ASS1: variants seen among roughly 807,000 people sequenced by gnomAD.
ASS1 encodes argininosuccinate synthase.
ASS1 carries 58 observed loss-of-function variants against 60.5 expected under a neutral mutation model. The ratio of observed to expected loss-of-function variants is 0.96; its 90% CI spans 0.78 to 1.19. The LOEUF is 1.19. Among genes scored for constraint, ASS1 ranks in the 50% most tolerant of loss-of-function variants. ASS1 has a pLI of 0.00. For synonymous variants in ASS1, 200 were observed against 206.9 expected, an observed-to-expected ratio of 0.97 and a Z score of 0.29; for missense variants, 454 against 547.3, an observed-to-expected ratio of 0.83 and a Z score of 1.70.
At chr9:130,482,231 T>C (rs1846189240) in intron 11 of ASS1, among the ~76,000 whole-genome samples, 1 of 151,780 alleles carries the variant, frequency 6.6e-6, no homozygotes. Flanking sequence ...CAGGAACTGG[T>C]ACACTGGAAG....
chr9:130,493,589 G>T lies in ASS1; in HGVS notation c.971-1278G>T, dbSNP rs116704346. On this transcript the variant is annotated intron_variant, in intron 12 of 14. Transcript: ENST00000352480. ...AGGACCTCTGCAGGTGCCCCCAGGGGCCTGGGCCTCCCACAATAGCCGCAG... is the reference window on the plus strand; with the variant it reads ...AGGACCTCTGCAGGTGCCCCCAGGGTCCTGGGCCTCCCACAATAGCCGCAG... 4.2e-3 allele frequency among the ~76,000 whole-genome samples: 633 copies of T among 152,264 alleles called. 6 individuals carry two copies. Among genetic ancestry groups the T allele is most frequent in the African/African-American group, 0.014 (595 of 41,564 alleles).
intron 5 of ASS1, among the ~76,000 whole-genome samples, chr9:130,465,056 A>ATATATATATATTTTTTTTTTTTTT (rs1479147331): frequency 3.3e-5 from 4 of 120,146 alleles, no homozygotes; most frequent in African/African-American, 1.4e-4. Flanking sequence ...ATATATATAT[A>ATATATATATATTTTTTTTTTTTTT]TTTTTTTTTT....
intron 8 of ASS1, among the ~76,000 whole-genome samples, chr9:130,472,164 T>C (rs1845881661): frequency 6.6e-6 from 1 of 152,030 alleles, no homozygotes; most frequent in Admixed American, 6.5e-5. Context: ...CCTGAGGGAA[T>C]GTGTCTTAGT....
rs776132145 is a variant in ASS1 at position 130,454,444 on chromosome 9, T to G, written c.174+71T>G. ...TGTGGAGGGCAGTGGTGGATGCTCC[T>G]GCCCCAGGGATCCCATCCCTTCCAG... On this transcript the variant is annotated intron_variant, in intron 3 of 14. Transcript: ENST00000352480. 3.5e-4 allele frequency: 521 copies of G among 1,469,366 alleles called. 1 individual carries two copies. The highest frequency in any genetic ancestry group is 4.7e-4 in the Non-Finnish European group (500 of 1,062,236). 91.0% of individuals were successfully genotyped at this position (1,469,366 alleles called of 1,614,324 possible).
At chr9:130,447,769 C>G (rs148197656) in intron 1 of ASS1, among the ~76,000 whole-genome samples, 6 of 152,196 alleles carry the variant, frequency 3.9e-5, no homozygotes, top group African/African-American at 1.4e-4. Context: ...GGGTCAGAAC[C>G]CAGAGGGCTG....
At chr9:130,451,504 A>G (rs1845324896) in intron 1 of ASS1, 1 of 317,266 alleles carries the variant, frequency 3.2e-6, no homozygotes, top group Non-Finnish European at 6.2e-6. Flanking sequence ...TGGAGACACG[A>G]TGTCTAAAAT....
intron 6 of ASS1, among the ~76,000 whole-genome samples, chr9:130,468,853 C>T (rs1299990713): frequency 6.6e-6 from 1 of 152,188 alleles, no homozygotes; most frequent in Non-Finnish European, 1.5e-5. Context: ...GATGGTCTCA[C>T]GTTGTCTACA....
intron 14 of ASS1, among the ~76,000 whole-genome samples, chr9:130,499,903 A>C (rs1355320292): frequency 6.6e-6 from 1 of 152,194 alleles, no homozygotes; most frequent in Non-Finnish European, 1.5e-5. Flanking sequence ...AAACAAGGAA[A>C]TAGCATAGAG....
chr9:130,458,372 T>G, intron 3 of ASS1, 29 bp from the exon 4 acceptor site: 1 of 1,611,948 alleles, frequency 6.2e-7, no homozygotes, highest in African/African-American at 1.3e-5. Context: ...CCTTGCCTAC[T>G]TCTTCCTTCT....
At chr9:130,464,994 TA>T (rs1845692612) in intron 5 of ASS1, among the ~76,000 whole-genome samples, 1 of 147,906 alleles carries the variant, frequency 6.8e-6, no homozygotes, top group Non-Finnish European at 1.5e-5. Context: ...AATATATAAA[TA>T]TTTTTATATA....
chr9:130,480,238 C>T (rs1405924722), intron 10 of ASS1, 147 bp from the exon 11 acceptor site: 9 of 876,016 alleles, frequency 1.0e-5, no homozygotes, highest in Admixed American at 6.0e-5. Flanking sequence ...CTAGGTGACC[C>T]GGCTCAGATG....
intron 13 of ASS1, among the ~76,000 whole-genome samples, chr9:130,496,073 T>C (rs1166643921): frequency 1.3e-5 from 2 of 152,062 alleles, no homozygotes; most frequent in Non-Finnish European, 2.9e-5. Context: ...ATTTTGATGT[T>C]CTCTGAAGCG....
In ASS1 at chr9:130,494,166, G is replaced by A. The variant is rs977239870; in HGVS notation, c.971-701G>A. Among the ~76,000 whole-genome samples, 1 of 152,212 alleles carries A rather than the reference G, an allele frequency of 6.6e-6. No individual in the cohort carries two copies. Among genetic ancestry groups the A allele is most frequent in the African/African-American group, 2.4e-5 (1 of 41,444 alleles). ...GCCCAGATCAAAGCCTGAGCGCAGTGCTGCTTATCTATGCAGAAATATTCT... is the reference window on the plus strand; with the variant it reads ...GCCCAGATCAAAGCCTGAGCGCAGTACTGCTTATCTATGCAGAAATATTCT... On this transcript the variant is annotated intron_variant, in intron 12 of 14. Coordinates refer to ENST00000352480, the MANE Select transcript of ASS1 (RefSeq NM_054012.4). The surrounding 1 kb of genome is among the most constrained non-coding windows in gnomAD (Gnocchi z 4.3).
At chr9:130,496,836 G>T (rs1846615603) in intron 13 of ASS1, among the ~76,000 whole-genome samples, 1 of 152,230 alleles carries the variant, frequency 6.6e-6, no homozygotes, top group Non-Finnish European at 1.5e-5. Context: ...AGATGGGGCA[G>T]GCCCCTGTGG....
intron 4 of ASS1, 30 bp downstream of exon 4, chr9:130,458,619 G>A (rs1382290381): frequency 4.0e-5 from 64 of 1,605,282 alleles, no homozygotes; most frequent in Non-Finnish European, 5.4e-5. Flanking sequence ...CCGGGCAGAG[G>A]GAGATGGAGG....
intron 1 of ASS1, among the ~76,000 whole-genome samples, chr9:130,451,347 C>T (rs1391748798): frequency 6.6e-6 from 1 of 152,154 alleles, no homozygotes; most frequent in Admixed American, 6.5e-5. Context: ...CGGGAAGGGC[C>T]GCTGGTTGCA....
At chr9:130,474,013 C>T in intron 8 of ASS1, among the ~76,000 whole-genome samples, 1 of 119,026 alleles carries the variant, frequency 8.4e-6, no homozygotes, top group African/African-American at 3.2e-5. Context: ...CCCTAGCCCC[C>T]ACCCCGACTC....
intron 11 of ASS1, among the ~76,000 whole-genome samples, chr9:130,484,058 C>T (rs1588499335): frequency 6.6e-6 from 1 of 152,138 alleles, no homozygotes; most frequent in African/African-American, 2.4e-5. Flanking sequence ...CCGCCAGGCA[C>T]CAGGAGCATA....
intron 1 of ASS1, 142 bp from the exon 2 acceptor site, chr9:130,452,082 A>T: frequency 1.3e-6 from 1 of 753,042 alleles, no homozygotes; most frequent in South Asian, 1.5e-5. Flanking sequence ...GAAGGTGAAC[A>T]TCCTGTTCCC....
Sources: allele counts gnomAD v4.1 joint callset (sites outside exome capture counted in the v4.1 genomes callset), GRCh38; gene constraint gnomAD v4.1.1; non-coding constraint Gnocchi (gnomAD v3.1); transcripts MANE v1.5; gene names NCBI Gene and HGNC (gene_info 2026-07-23, HGNC 2026-07-21).